ELFN1: variants seen among roughly 807,000 people sequenced by gnomAD.
ELFN1 encodes the protein extracellular leucine rich repeat and fibronectin type III domain containing 1.
ELFN1 carries 6 observed loss-of-function variants against 7.6 expected under a neutral mutation model. The observed-to-expected ratio is 0.79, with a 90% CI of 0.43 to 1.56. ELFN1 has a LOEUF of 1.56. Among genes scored for constraint, ELFN1 ranks in the 40% most tolerant of loss-of-function variants. ELFN1 has a pLI of 0.01. For missense variants in ELFN1, 1,169 were observed against 1,232.2 expected, an observed-to-expected ratio of 0.95 and a Z score of 0.77; for synonymous variants, 657 against 588.1, an observed-to-expected ratio of 1.12 and a Z score of -1.70.
upstream of ELFN1, among the ~76,000 whole-genome samples, chr7:1,670,252 A>G (rs1238327659): frequency 1.3e-5 from 2 of 151,166 alleles, no homozygotes; most frequent in Non-Finnish European, 3.0e-5. The surrounding 1 kb of genome is among the most constrained non-coding windows in gnomAD (Gnocchi z 6.4). Context: ...GCGCAGATCG[A>G]TGGGCGAAGC....
At chr7:1,719,132 C>G (rs925755298) in intron 3 of ELFN1, among the ~76,000 whole-genome samples, 3 of 147,958 alleles carry the variant, frequency 2.0e-5, no homozygotes, top group African/African-American at 7.8e-5. Context: ...CGCCCACCAA[C>G]AGGACCCAAG....
In ELFN1 at chr7:1,746,723, C is replaced by T; in HGVS notation, c.2127C>T (p.Gly709=). ...QYGEHRHSYP[G]SHPAEPPAPP... Reference sequence around the variant, plus strand: ...GCGAGCACCGGCACTCGTACCCCGGCTCCCACCCGGCCGAGCCACCTGCGC... The same window carrying T: ...GCGAGCACCGGCACTCGTACCCCGGTTCCCACCCGGCCGAGCCACCTGCGC... Residue 709 remains glycine, a synonymous_variant, in exon 4 of 4, where the codon GGC becomes GGT. Transcript: ENST00000424383. 2 of 1,480,282 alleles carry T rather than the reference C, an allele frequency of 1.4e-6. No homozygotes were observed. Among genetic ancestry groups the T allele is most frequent in the South Asian group, 2.5e-5 (2 of 78,990 alleles). 91.7% of individuals were successfully genotyped at this position (1,480,282 alleles called of 1,614,324 possible). A position where few individuals can be genotyped will look rare whatever the true frequency, so the allele number is the denominator to read the frequency against.
Position 1,670,749 on chromosome 7 carries a change from T to C in ELFN1, c.-549+395T>C, listed in dbSNP as rs527421556. Among the ~76,000 whole-genome samples the C allele has an allele frequency of 9.4e-4, 143 of 151,832 alleles. No individual in the cohort carries two copies. Among genetic ancestry groups the C allele is most frequent in the African/African-American group, 3.2e-3 (134 of 41,352 alleles). On this transcript the variant is annotated intron_variant, in intron 1 of 3. Transcript: ENST00000424383. This position sits in a 1 kb window ranked among gnomAD's most constrained non-coding sequence, Gnocchi z 6.4. ...CCCCTGCCCTTCCCTTCCCGGAAAT[T>C]AGGGGGCTGTCCTCACCTCCTGGCC...
At chr7:1,724,541 A>G (rs942571305) in intron 3 of ELFN1, among the ~76,000 whole-genome samples, 2 of 152,144 alleles carry the variant, frequency 1.3e-5, no homozygotes, top group Admixed American at 6.5e-5. Flanking sequence ...CCCTCCTGCA[A>G]ACTCTCAAAT....
intron 2 of ELFN1, among the ~76,000 whole-genome samples, chr7:1,704,328 C>T (rs1399384792): frequency 6.6e-6 from 1 of 152,186 alleles, no homozygotes. Flanking sequence ...AATGGGCACC[C>T]AGAGACCCAG....
chr7:1,744,531 G>T lies in ELFN1; in HGVS notation c.-66G>T. 1 of 1,427,116 alleles carries T rather than the reference G, an allele frequency of 7.0e-7. No homozygotes were observed. The highest frequency in any genetic ancestry group is 9.1e-7 in the Non-Finnish European group (1 of 1,094,526). The allele number at this position is 1,427,116 out of a possible 1,614,324, so 88.4% of individuals were successfully genotyped here. A position where few individuals can be genotyped will look rare whatever the true frequency, so the allele number is the denominator to read the frequency against. ...CCGCCCCTCCATCCCTCTGGGGGCT[G>T]GCGCCTGGCCCCCCACCTGGTCCCC... On this transcript the variant is annotated 5_prime_UTR_variant, in exon 4 of 4. Transcript: ENST00000424383.
chr7:1,711,700 G>A (rs1021151215), intron 3 of ELFN1, among the ~76,000 whole-genome samples: 1 of 152,056 alleles, frequency 6.6e-6, no homozygotes, highest in Admixed American at 6.6e-5. Context: ...CATCCAGTCT[G>A]TGCTGATCCC....
At chr7:1,706,473 C>T (rs1779533306) in intron 2 of ELFN1, among the ~76,000 whole-genome samples, 1 of 150,550 alleles carries the variant, frequency 6.6e-6, no homozygotes, top group Non-Finnish European at 1.5e-5. Flanking sequence ...ACAAAACACC[C>T]AGCAGTTCCA....
chr7:1,674,911 A>G (rs909915181), intron 1 of ELFN1, among the ~76,000 whole-genome samples: 9 of 148,384 alleles, frequency 6.1e-5, no homozygotes, highest in East Asian at 6.0e-4. Flanking sequence ...AGAGCCCCCA[A>G]TTCAATCTCT....
At chr7:1,733,052 C>T (rs907468742) in intron 3 of ELFN1, among the ~76,000 whole-genome samples, 1 of 152,156 alleles carries the variant, frequency 6.6e-6, no homozygotes, top group Non-Finnish European at 1.5e-5. Context: ...AGGCACCTGC[C>T]ACCACGCCCG....
chr7:1,686,172 T>A (rs1356945782), intron 1 of ELFN1, among the ~76,000 whole-genome samples: 1 of 151,796 alleles, frequency 6.6e-6, no homozygotes, highest in African/African-American at 2.4e-5. Context: ...GATGCTGATT[T>A]GTATTCCCAA....
chr7:1,738,319 C>T (rs112680948), intron 3 of ELFN1, among the ~76,000 whole-genome samples: 29 of 152,264 alleles, frequency 1.9e-4, no homozygotes, highest in African/African-American at 6.7e-4. Context: ...TGAGACCTGG[C>T]GGGGTATGGC....
chr7:1,746,995 T>C lies in ELFN1; in HGVS notation c.2399T>C (p.Leu800Pro). Residue 800 changes from leucine to proline, a missense_variant, in exon 4 of 4, where the codon CTG becomes CCG. Physicochemically the swap from Leu to Pro is moderately conservative, Grantham distance 98 (BLOSUM62 -3). Transcript: ENST00000424383. ...EEEFMAAGHA[L>P]RKKVQFAKDE... ...GAGTTCATGGCCGCGGGCCATGCCC[T>C]GCGCAAGAAGGTTCAGTTCGCCAAA... is the stretch of plus-strand genomic sequence containing the variant. 6.4e-7 allele frequency: 1 copy of C among 1,565,202 alleles called. No individual in the cohort carries two copies. Among genetic ancestry groups the C allele is most frequent in the Non-Finnish European group, 8.7e-7 (1 of 1,155,856 alleles).
intron 2 of ELFN1, among the ~76,000 whole-genome samples, chr7:1,690,429 GTGAATGGATGGATGAAGGA>G (rs1357346963): frequency 1.3e-5 from 2 of 150,654 alleles, no homozygotes; most frequent in African/African-American, 2.4e-5. Flanking sequence ...GGATGAATGG[GTGAATGGATGGATGAAGGA>G]TGAATGGATG....
chr7:1,720,156 C>T (rs1020460819), intron 3 of ELFN1, among the ~76,000 whole-genome samples: 6 of 152,352 alleles, frequency 3.9e-5, no homozygotes, highest in Admixed American at 3.9e-4. Flanking sequence ...AGCCAGACAC[C>T]TCTCCTTTTA....
chr7:1,669,571 C>T (rs547616034), upstream of ELFN1, among the ~76,000 whole-genome samples: 18 of 152,348 alleles, frequency 1.2e-4, no homozygotes, highest in African/African-American at 4.1e-4. Flanking sequence ...GTTTCCCTTC[C>T]TGTAACATGC....
intron 2 of ELFN1, among the ~76,000 whole-genome samples, chr7:1,702,731 C>T (rs890545812): frequency 6.6e-6 from 1 of 151,214 alleles, no homozygotes; most frequent in African/African-American, 2.5e-5. Context: ...TTCTGTTGGA[C>T]TTTTTATGTA....
At chr7:1,693,934 C>T (rs912212745) in intron 2 of ELFN1, 17 of 393,522 alleles carry the variant, frequency 4.3e-5, no homozygotes, top group African/African-American at 2.5e-4. Context: ...GGGCAGCACT[C>T]GGGAAGCCCC....
At chr7:1,703,787 C>T (rs1241023663) in intron 2 of ELFN1, among the ~76,000 whole-genome samples, 6 of 152,216 alleles carry the variant, frequency 3.9e-5, no homozygotes, top group Non-Finnish European at 5.9e-5. Flanking sequence ...AAAGAACTCT[C>T]GGCCGAGTTT....
Sources: allele counts gnomAD v4.1 joint callset (sites outside exome capture counted in the v4.1 genomes callset), GRCh38; gene constraint gnomAD v4.1.1; non-coding constraint Gnocchi (gnomAD v3.1); transcripts MANE v1.5; gene names NCBI Gene and HGNC (gene_info 2026-07-23, HGNC 2026-07-21).